The following METAP1 variants were observed in gnomAD, a reference collection of about 807,000 sequenced individuals.
METAP1 encodes the protein methionine aminopeptidase 1.
In METAP1, 28 loss-of-function variants were observed where a neutral mutation model predicts 53.8. That is an observed-to-expected ratio of 0.52 (90% CI 0.39 to 0.71). METAP1 has a LOEUF of 0.71. Among genes scored for constraint, METAP1 ranks in the 30% least tolerant of loss-of-function variants. The pLI, the probability that METAP1 is intolerant of heterozygous loss-of-function variation, is 0.00. For missense variants in METAP1, 389 were observed against 479.8 expected (o/e 0.81, Z 1.77); for synonymous variants, 181 against 165.7 (o/e 1.09, Z -0.71).
chr4:99,039,917 G>A (rs1725732809), intron 5 of METAP1, among the ~76,000 whole-genome samples: 1 of 152,098 alleles, frequency 6.6e-6, no homozygotes, highest in Non-Finnish European at 1.5e-5. Flanking sequence ...AGTAGATACA[G>A]GGTTTCACCA....
intron 1 of METAP1, among the ~76,000 whole-genome samples, chr4:99,008,478 G>T (rs773300373): frequency 6.6e-6 from 1 of 152,160 alleles, no homozygotes. Flanking sequence ...AGTGTGTTAG[G>T]TGAAAACTAT....
At chr4:98,998,812 G>T (rs984881966) in intron 1 of METAP1, among the ~76,000 whole-genome samples, 2 of 151,178 alleles carry the variant, frequency 1.3e-5, no homozygotes, top group Non-Finnish European at 2.9e-5. Flanking sequence ...GAAAAATGAG[G>T]ATTTTTTTTT....
Position 99,043,399 on chromosome 4 carries a change from A to G in METAP1, c.655+12A>G, listed in dbSNP as rs769076350. The G allele has an allele frequency of 1.0e-5, 16 of 1,575,786 alleles. No individual in the cohort carries two copies. Among genetic ancestry groups the G allele is most frequent in the Non-Finnish European group, 1.4e-5 (16 of 1,160,426 alleles). On this transcript the variant is annotated intron_variant, in intron 7 of 10. Coordinates refer to ENST00000296411, the MANE Select transcript of METAP1 (RefSeq NM_015143.3). ...TGACATTGTTAATGGTAAGAAAAAT[A>G]TGTTACTTTCATCACCATGGGCAAA...
chr4:99,000,500 C>T (rs1722863629), intron 1 of METAP1, among the ~76,000 whole-genome samples: 1 of 152,032 alleles, frequency 6.6e-6, no homozygotes, highest in South Asian at 2.1e-4. Flanking sequence ...GTGCATATAA[C>T]CTCATATGTA....
intron 5 of METAP1, among the ~76,000 whole-genome samples, chr4:99,040,474 ATT>A (rs35357531): frequency 6.8e-6 from 1 of 146,608 alleles, no homozygotes. Context: ...TCATTCATCT[ATT>A]TTTTTTTTTT....
intron 1 of METAP1, among the ~76,000 whole-genome samples, chr4:99,007,856 A>G (rs1723255926): frequency 6.6e-6 from 1 of 152,164 alleles, no homozygotes; most frequent in South Asian, 2.1e-4. Context: ...ACATTCCCTA[A>G]TACTTTCCCA....
chr4:99,033,622 C>G (rs1454244843), intron 2 of METAP1, among the ~76,000 whole-genome samples: 1 of 152,190 alleles, frequency 6.6e-6, no homozygotes, highest in African/African-American at 2.4e-5. Flanking sequence ...ACCGTTCCCT[C>G]CCTTGTCTTT....
At chr4:99,002,536 A>C (rs1211057489) in intron 1 of METAP1, among the ~76,000 whole-genome samples, 1 of 148,042 alleles carries the variant, frequency 6.8e-6, no homozygotes, top group African/African-American at 2.4e-5. Context: ...TCTGGGTTTG[A>C]ATAAAGAGCA....
chr4:99,031,540 TCC>T, intron 2 of METAP1: 3 of 1,288,978 alleles, frequency 2.3e-6, no homozygotes, highest in Non-Finnish European at 3.0e-6. Flanking sequence ...TTAAACTGGC[TCC>T]ACCAAACTTT....
At chr4:99,036,419 A>C (rs535914474) in intron 4 of METAP1, among the ~76,000 whole-genome samples, 3 of 152,226 alleles carry the variant, frequency 2.0e-5, no homozygotes, top group African/African-American at 4.8e-5. Context: ...CTTGTATTTT[A>C]GAAAAACAAT....
chr4:99,012,819 G>A (rs1176783415), intron 1 of METAP1, among the ~76,000 whole-genome samples: 1 of 152,106 alleles, frequency 6.6e-6, no homozygotes, highest in Non-Finnish European at 1.5e-5. Context: ...AGAAGTTACA[G>A]GCAGACATTA....
chr4:99,037,737 C>T (rs927226557), intron 4 of METAP1: 1 of 151,826 alleles, frequency 6.6e-6, no homozygotes, highest in Non-Finnish European at 1.5e-5. Context: ...TTTGGTAGGC[C>T]TTGTTGCCCC....
intron 1 of METAP1, among the ~76,000 whole-genome samples, chr4:99,007,976 G>A (rs772113716): frequency 2.0e-5 from 3 of 152,158 alleles, no homozygotes; most frequent in Non-Finnish European, 4.4e-5. Flanking sequence ...TAATGTCCTT[G>A]CCTTTAGAAG....
chr4:99,041,058 T>C lies in METAP1; in HGVS notation c.448T>C (p.Leu150=). ...TTTTTTACAGCTTGCTAGAGAAGTT[T>C]TGGATGTTGCTGCCGGCATGATTAA... ...RLVCRLAREV[L]DVAAGMIKPG... The change falls in exon 6 of 11, where the codon TTG becomes CTG. Residue 150 remains leucine, a synonymous_variant. Coordinates refer to ENST00000296411, the MANE Select transcript of METAP1 (RefSeq NM_015143.3). The C allele has an allele frequency of 6.2e-7, 1 of 1,608,980 alleles. No homozygotes were observed. The highest frequency in any genetic ancestry group is 8.5e-7 in the Non-Finnish European group (1 of 1,176,802).
In METAP1 at chr4:99,050,273, T is replaced by C. The variant is rs185082695; in HGVS notation, c.931+1397T>C. Among the ~76,000 whole-genome samples the C allele has an allele frequency of 2.6e-4, 40 of 152,322 alleles. 1 individual carries two copies. The highest frequency in any genetic ancestry group is 2.6e-3 in the Admixed American group (40 of 15,294). ...AGTCCAGGTGTGCCAAATGCCAGAC[T>C]GAAGGAATTTGACTTGTATGTCGGA... On this transcript the variant is annotated intron_variant, in intron 9 of 10. Transcript: ENST00000296411.
intron 9 of METAP1, among the ~76,000 whole-genome samples, chr4:99,051,840 A>G (rs1417221178): frequency 6.6e-6 from 1 of 151,930 alleles, no homozygotes; most frequent in Non-Finnish European, 1.5e-5. Flanking sequence ...TTGTAACTCT[A>G]TATTCCTAGC....
rs752704296 is a variant in METAP1 at position 99,045,325 on chromosome 4, T to C, written c.787+15T>C. ...CATTGATGCAGGTCAGCCTCAGTGT[T>C]GAGCACCTATTGGCAGTCCTGTGTG... On this transcript the variant is annotated intron_variant, in intron 8 of 10. Coordinates refer to ENST00000296411, the MANE Select transcript of METAP1 (RefSeq NM_015143.3). 6.2e-7 allele frequency: 1 copy of C among 1,612,900 alleles called. No homozygotes were observed.
chr4:99,038,619 CATT>C (rs1725609862), intron 4 of METAP1, among the ~76,000 whole-genome samples: 1 of 151,862 alleles, frequency 6.6e-6, no homozygotes, highest in Non-Finnish European at 1.5e-5. Context: ...GATTAGTTGA[CATT>C]ATTTTTGTTA....
At chr4:99,010,458 A>C (rs1723410754) in intron 1 of METAP1, among the ~76,000 whole-genome samples, 1 of 152,178 alleles carries the variant, frequency 6.6e-6, no homozygotes, top group South Asian at 2.1e-4. Context: ...CCCATCTTTA[A>C]AAAACAAAAA....
Sources: allele counts gnomAD v4.1 joint callset (sites outside exome capture counted in the v4.1 genomes callset), GRCh38; gene constraint gnomAD v4.1.1; transcripts MANE v1.5; gene names NCBI Gene and HGNC (gene_info 2026-07-23, HGNC 2026-07-21).